The following GALC variants were observed in gnomAD, a reference collection of about 807,000 sequenced individuals.
GALC encodes galactocerebrosidase.
In GALC, 77 loss-of-function variants were observed where a neutral mutation model predicts 91.8. That is an observed-to-expected ratio of 0.84 (90% CI 0.70 to 1.01). The LOEUF (loss-of-function observed/expected upper bound fraction) is 1.01. Among genes scored for constraint, GALC ranks in the 50% least tolerant of loss-of-function variants. GALC has a pLI of 0.00. For synonymous variants in GALC, 357 were observed against 306.7 expected (o/e 1.16, Z -1.71); for missense variants, 882 against 855.9 (o/e 1.03, Z -0.38).
In GALC at chr14:87,933,989, C is replaced by T; in HGVS notation, c.*743G>A. ...TTGGCTATATCAGGTTTTCTTCCTT[C>T]TTCCAGCCACCTGGAAAAACGTTCA... On this transcript the variant is annotated 3_prime_UTR_variant, in exon 17 of 17. Coordinates refer to ENST00000261304, the MANE Select transcript of GALC (RefSeq NM_000153.4). 1 of 1,534,500 alleles carries T rather than the reference C, an allele frequency of 6.5e-7. No homozygotes were observed. The highest frequency in any genetic ancestry group is 8.7e-7 in the Non-Finnish European group (1 of 1,145,908).
At chr14:87,975,086 A>C (rs1217706497) in intron 7 of GALC, among the ~76,000 whole-genome samples, 1 of 152,082 alleles carries the variant, frequency 6.6e-6, no homozygotes, top group Non-Finnish European at 1.5e-5. Context: ...AAATATAATT[A>C]AGAAATTTTA....
rs182185927 is a variant in GALC at position 87,941,023 on chromosome 14, T to C, written c.1834+372A>G. Among the ~76,000 whole-genome samples, 135 of 152,018 alleles carry C rather than the reference T, an allele frequency of 8.9e-4. No individual in the cohort carries two copies. In the Middle Eastern group the frequency reaches 0.01, roughly 11 times the overall value. Reference sequence around the variant, plus strand: ...ATTCCCCTCCTTATATTTCTATAGGTACAGCAGCAACAGTCGTATACTCTT... The same window carrying C: ...ATTCCCCTCCTTATATTTCTATAGGCACAGCAGCAACAGTCGTATACTCTT... On this transcript the variant is annotated intron_variant, in intron 15 of 16. Transcript: ENST00000261304.
Position 87,941,386 on chromosome 14 carries a change from G to T in GALC, c.1834+9C>A. 1 of 1,492,000 alleles carries T rather than the reference G, an allele frequency of 6.7e-7. No homozygotes were observed. Among genetic ancestry groups the T allele is most frequent in the Non-Finnish European group, 9.0e-7 (1 of 1,105,248 alleles). The allele number at this position is 1,492,000 out of a possible 1,614,324, so 92.4% of individuals were successfully genotyped here. On this transcript the variant is annotated intron_variant, in intron 15 of 16. Transcript: ENST00000261304. ...TCATATGCTATTAAAAAAAAAAAAA[G>T]TCAGTTACCTAAATCACCTGTAACC...
chr14:87,985,222 TATTAA>T (rs144486800), intron 4 of GALC, among the ~76,000 whole-genome samples: 17,150 of 152,162 alleles, frequency 0.11, 1,119 homozygotes, highest in Non-Finnish European at 0.16. Context: ...GCTACTAATA[TATTAA>T]AATAGGCTCA....
intron 14 of GALC, among the ~76,000 whole-genome samples, chr14:87,942,909 G>C (rs1011999352): frequency 2.0e-5 from 3 of 151,928 alleles, no homozygotes; most frequent in African/African-American, 7.2e-5. Context: ...ATTATCACCA[G>C]CATGAAACCA....
rs1365500235 is a variant in GALC at position 87,945,088 on chromosome 14, C to CTGAT, written c.1670+461_1670+464dup. 2.0e-5 allele frequency among the ~76,000 whole-genome samples: 3 copies of CTGAT among 150,414 alleles called. No individual in the cohort carries two copies. In the East Asian group the frequency reaches 6.0e-4, roughly 30 times the overall value. ...AGTTAAATTCACTAGGCGACTAAAG[C>CTGAT]TGATTAGCTTTTTACTATTGCCATC... On this transcript the variant is annotated intron_variant, in intron 14 of 16. Coordinates refer to ENST00000261304, the MANE Select transcript of GALC (RefSeq NM_000153.4).
Position 87,988,138 on chromosome 14 carries a change from T to C in GALC, c.328+6A>G, listed in dbSNP as rs201977747. On this transcript the variant is annotated splice_donor_region_variant and intron_variant, in intron 3 of 16. Transcript: ENST00000261304. Reference sequence around the variant, plus strand: ...GGGAGAAATCCTATCTCCCAAATTCTCCTACCTGTTGTCTGCCCATCACCA... The same window carrying C: ...GGGAGAAATCCTATCTCCCAAATTCCCCTACCTGTTGTCTGCCCATCACCA... The C allele has an allele frequency of 8.9e-5, 143 of 1,611,618 alleles. No homozygotes were observed. In the Middle Eastern group the frequency reaches 2.5e-3, roughly 28 times the overall value.
chr14:87,940,270 T>C (rs1320822563), intron 15 of GALC, among the ~76,000 whole-genome samples: 1 of 151,948 alleles, frequency 6.6e-6, no homozygotes, highest in Non-Finnish European at 1.5e-5. Flanking sequence ...TATGAGGTGT[T>C]AGCATCTGTA....
At chr14:87,986,942 C>A in intron 3 of GALC, 1 of 438,064 alleles carries the variant, frequency 2.3e-6, no homozygotes, top group Admixed American at 2.9e-5. Flanking sequence ...TTTCAAATCC[C>A]CATGTCCAAC....
At chr14:87,992,781 A>C in intron 1 of GALC, 189 bp downstream of exon 1, 1 of 1,413,674 alleles carries the variant, frequency 7.1e-7, no homozygotes, top group Non-Finnish European at 9.2e-7. Context: ...GGTTCGTGTT[A>C]AACGAGAAAG....
At chr14:87,954,643 G>C (rs1276798014) in intron 10 of GALC, 1 of 1,579,914 alleles carries the variant, frequency 6.3e-7, no homozygotes, top group Non-Finnish European at 8.7e-7. Flanking sequence ...CCCACCTAGA[G>C]GATAAATGTT....
At chr14:87,957,434 G>A (rs889497537) in intron 10 of GALC, among the ~76,000 whole-genome samples, 8 of 152,074 alleles carry the variant, frequency 5.3e-5, no homozygotes, top group African/African-American at 1.7e-4. Flanking sequence ...TTCTGTATAC[G>A]GTGAGGTGAG....
chr14:87,993,189 C>G, upstream of GALC: 2 of 1,568,790 alleles, frequency 1.3e-6, no homozygotes, highest in Non-Finnish European at 1.7e-6. Context: ...GACTCCGGCG[C>G]CCAGGGAGGC....
chr14:87,947,651 C>G, intron 13 of GALC, 77 bp downstream of exon 13: 1 of 1,394,128 alleles, frequency 7.2e-7, no homozygotes, highest in Non-Finnish European at 1.0e-6. Flanking sequence ...CCATCATGCA[C>G]CCAGTTTGAC....
At chr14:87,969,180 G>A (rs1886179596) in intron 7 of GALC, among the ~76,000 whole-genome samples, 3 of 152,196 alleles carry the variant, frequency 2.0e-5, no homozygotes, top group South Asian at 4.1e-4. Context: ...GGCACTATCT[G>A]TAGACATTTT....
At chr14:87,957,604 G>T (rs1362612273) in intron 10 of GALC, among the ~76,000 whole-genome samples, 1 of 152,040 alleles carries the variant, frequency 6.6e-6, no homozygotes, top group Non-Finnish European at 1.5e-5. Context: ...TCTGTATTCT[G>T]CTCTGTTGAT....
intron 8 of GALC, among the ~76,000 whole-genome samples, chr14:87,967,139 T>C (rs186638682): frequency 2.6e-4 from 39 of 152,164 alleles, no homozygotes; most frequent in Non-Finnish European, 1.8e-4. Context: ...AATGATGAAG[T>C]AGAAATATAG....
chr14:87,954,518 A>C, intron 10 of GALC: 1 of 1,560,206 alleles, frequency 6.4e-7, no homozygotes, highest in East Asian at 2.3e-5. Context: ...AAAATCGCAT[A>C]CAATGCCTTG....
At chr14:87,938,307 AAAAT>A (rs1210278715) in intron 16 of GALC, among the ~76,000 whole-genome samples, 1 of 151,982 alleles carries the variant, frequency 6.6e-6, no homozygotes, top group Non-Finnish European at 1.5e-5. Context: ...CTTTTGGAGA[AAAAT>A]AAAGCAACAG....
Sources: gnomAD v4.1 joint callset for allele counts (sites outside exome capture counted in the v4.1 genomes callset) on GRCh38, gnomAD v4.1.1 for gene constraint, MANE v1.5 for transcripts, NCBI Gene and HGNC (gene_info 2026-07-23, HGNC 2026-07-21) for gene names.